Variants in SMYD3 observed in about 807,000 individuals in gnomAD.
SMYD3 encodes the protein histone-lysine N-methyltransferase SMYD3.
A neutral mutation model predicts 57.7 loss-of-function variants in SMYD3; 36 were observed. The ratio of observed to expected loss-of-function variants is 0.62; its 90% CI spans 0.48 to 0.82. The LOEUF (loss-of-function observed/expected upper bound fraction) is 0.82. Among genes scored for constraint, SMYD3 ranks in the 40% least tolerant of loss-of-function variants. SMYD3 has a pLI of 0.00. For synonymous variants in SMYD3, 211 were observed against 195.0 expected, an observed-to-expected ratio of 1.08 and a Z score of -0.68; for missense variants, 515 against 538.8, an observed-to-expected ratio of 0.96 and a Z score of 0.44.
In SMYD3 at chr1:246,107,101, C is replaced by CATCCCGGCTAAA. The variant is rs779661159; in HGVS notation, c.532-177165_532-177164insTTTAGCCGGGAT. Among the ~76,000 whole-genome samples, 116 of 118,066 alleles carry CATCCCGGCTAAA rather than the reference C, an allele frequency of 9.8e-4. 2 individuals are homozygous for CATCCCGGCTAAA. The highest frequency in any genetic ancestry group is 1.6e-3 in the Non-Finnish European group (96 of 59,340). 77.5% of individuals were successfully genotyped at this position (118,066 alleles called of 152,430 possible). A position where few individuals can be genotyped will look rare whatever the true frequency, so the allele number is the denominator to read the frequency against. ...GATCACAAGGTCAGGAGATCGAGAC[C>CATCCCGGCTAAA]ACGGTGAAACCCCGTCTCTACTAAA... On this transcript the variant is annotated intron_variant, in intron 5 of 11. Coordinates refer to ENST00000490107, the MANE Select transcript of SMYD3 (RefSeq NM_001167740.2).
At chr1:246,273,664 A>G (rs2064274134) in intron 5 of SMYD3, among the ~76,000 whole-genome samples, 1 of 142,024 alleles carries the variant, frequency 7.0e-6, no homozygotes, top group Non-Finnish European at 1.5e-5. Context: ...GGCTCACTGC[A>G]ACCTCTGCCT....
At chr1:246,250,081 C>G (rs542958482) in intron 5 of SMYD3, among the ~76,000 whole-genome samples, 26 of 152,302 alleles carry the variant, frequency 1.7e-4, no homozygotes, top group Admixed American at 4.6e-4. Context: ...GCAAAACTGT[C>G]TAAAAATTCT....
chr1:245,934,610 C>G (rs992600523), intron 5 of SMYD3, among the ~76,000 whole-genome samples: 1 of 152,140 alleles, frequency 6.6e-6, no homozygotes, highest in Non-Finnish European at 1.5e-5. Flanking sequence ...CAAACCAGAA[C>G]AGCGGGAGGG....
intron 5 of SMYD3, among the ~76,000 whole-genome samples, chr1:246,315,157 A>T (rs2065136832): frequency 6.6e-6 from 1 of 152,178 alleles, no homozygotes; most frequent in Admixed American, 6.5e-5. Flanking sequence ...AGTTTCTGTG[A>T]TCTCTTCAGC....
chr1:245,983,615 C>T (rs899608330), intron 5 of SMYD3, among the ~76,000 whole-genome samples: 3 of 152,214 alleles, frequency 2.0e-5, no homozygotes, highest in African/African-American at 7.2e-5. Context: ...GTAAATTTCT[C>T]ATATTGGTTT....
At chr1:246,477,864 C>T (rs2103055508) in intron 1 of SMYD3, among the ~76,000 whole-genome samples, 1 of 152,210 alleles carries the variant, frequency 6.6e-6, no homozygotes, top group East Asian at 1.9e-4. Context: ...TTTAAAGAAG[C>T]CTATAACTCT....
intron 8 of SMYD3, among the ~76,000 whole-genome samples, chr1:245,903,592 A>G (rs1306022579): frequency 6.6e-6 from 1 of 152,184 alleles, no homozygotes. Context: ...GACATAGAAC[A>G]AACTGTCCTG....
intron 5 of SMYD3, among the ~76,000 whole-genome samples, chr1:246,102,267 C>G (rs2061028464): frequency 6.6e-6 from 1 of 152,150 alleles, no homozygotes; most frequent in African/African-American, 2.4e-5. Context: ...TTTATTAACT[C>G]TTTAGTCTGT....
chr1:246,005,854 G>A (rs1361849909), intron 5 of SMYD3, among the ~76,000 whole-genome samples: 1 of 152,164 alleles, frequency 6.6e-6, no homozygotes, highest in Non-Finnish European at 1.5e-5. Context: ...TAGGGCCCCT[G>A]TCAGAACCAG....
At chr1:246,125,079 A>ACACACAC (rs1206513856) in intron 5 of SMYD3, among the ~76,000 whole-genome samples, 75 of 108,286 alleles carry the variant, frequency 6.9e-4, no homozygotes, top group African/African-American at 2.0e-3. Flanking sequence ...CTCAAAAAAA[A>ACACACAC]AAAAAAAAAC....
At chr1:246,229,519 A>C (rs2063380613) in intron 5 of SMYD3, among the ~76,000 whole-genome samples, 1 of 152,230 alleles carries the variant, frequency 6.6e-6, no homozygotes, top group Non-Finnish European at 1.5e-5. Context: ...AGATGATGCA[A>C]AGTTAAATTA....
chr1:246,453,182 C>T (rs892514721), intron 1 of SMYD3, among the ~76,000 whole-genome samples: 11 of 152,268 alleles, frequency 7.2e-5, no homozygotes, highest in African/African-American at 2.6e-4. Context: ...AAGTAGCTTG[C>T]GCAAAGTCAC....
chr1:245,846,323 A>C (rs1053192566), intron 10 of SMYD3, among the ~76,000 whole-genome samples: 2 of 152,124 alleles, frequency 1.3e-5, no homozygotes, highest in Admixed American at 6.5e-5. Context: ...AACAGATTCT[A>C]CTCTGCGTGA....
chr1:245,795,999 T>G (rs1038104603), intron 10 of SMYD3, among the ~76,000 whole-genome samples: 1 of 152,188 alleles, frequency 6.6e-6, no homozygotes, highest in Non-Finnish European at 1.5e-5. Context: ...AGAGCAAAGT[T>G]GCAAACAGTC....
At chr1:246,436,938 C>T (rs375641667) in intron 1 of SMYD3, among the ~76,000 whole-genome samples, 90 of 142,920 alleles carry the variant, frequency 6.3e-4, no homozygotes, top group African/African-American at 2.2e-3. Context: ...TTTTCACTCT[C>T]GCCCAGACTG....
intron 5 of SMYD3, among the ~76,000 whole-genome samples, chr1:246,004,172 G>T (rs1211058618): frequency 6.6e-6 from 1 of 152,006 alleles, no homozygotes; most frequent in Middle Eastern, 3.2e-3. Flanking sequence ...CTAACATCTA[G>T]AAGGTGCTGC....
At chr1:246,228,967 T>C (rs2063371209) in intron 5 of SMYD3, among the ~76,000 whole-genome samples, 1 of 152,182 alleles carries the variant, frequency 6.6e-6, no homozygotes, top group South Asian at 2.1e-4. Context: ...CAACTTTTTT[T>C]ACATTTTCAT....
intron 8 of SMYD3, among the ~76,000 whole-genome samples, chr1:245,880,839 GA>G (rs2052741611): frequency 6.6e-6 from 1 of 152,204 alleles, no homozygotes; most frequent in African/African-American, 2.4e-5. Flanking sequence ...GATGTAAGTG[GA>G]AAGAGGCAGC....
intron 5 of SMYD3, among the ~76,000 whole-genome samples, chr1:246,144,766 G>A (rs979777900): frequency 6.6e-6 from 1 of 152,126 alleles, no homozygotes; most frequent in African/African-American, 2.4e-5. Flanking sequence ...AAGACCTTTG[G>A]AAAACTGCTG....
Sources: gnomAD v4.1 joint callset for allele counts (sites outside exome capture counted in the v4.1 genomes callset) on GRCh38, gnomAD v4.1.1 for gene constraint, MANE v1.5 for transcripts, NCBI Gene and HGNC (gene_info 2026-07-23, HGNC 2026-07-21) for gene names.